SLC24A2: variants seen among roughly 807,000 people sequenced by gnomAD.
SLC24A2 encodes the protein sodium/potassium/calcium exchanger 2.
In SLC24A2, 36 loss-of-function variants were observed where a neutral mutation model predicts 62.0. The observed-to-expected ratio is 0.58, with a 90% CI of 0.44 to 0.77. The LOEUF (loss-of-function observed/expected upper bound fraction) is 0.77, where lower values mean the gene tolerates loss of function less well. SLC24A2 is among the 30% of genes least tolerant of loss of function. The pLI, the probability that SLC24A2 is intolerant of heterozygous loss-of-function variation, is 0.00. For synonymous variants in SLC24A2, 358 were observed against 294.0 expected (o/e 1.22, Z -2.23); for missense variants, 846 against 817.9 (o/e 1.03, Z -0.42).
chr9:20,012,829 G>A, the SLC24A2 span, among the ~76,000 whole-genome samples: 15 of 151,150 alleles, frequency 9.9e-5, no homozygotes, highest in African/African-American at 3.4e-4. Context: ...AAATACTTAG[G>A]TGTAAATTTA....
chr9:20,057,873 A>G, the SLC24A2 span, among the ~76,000 whole-genome samples: 1 of 152,308 alleles, frequency 6.6e-6, no homozygotes, highest in South Asian at 2.1e-4. Context: ...GTCAAGTTGT[A>G]AGTATCAGAA....
rs941997463 is a variant in SLC24A2, at chr9:19,604,081, G to A, written c.1079-6802C>T. ...ACCCAGCAGAGTAAAGGGGCACTCTGTATGCGTTCAACAAATGCTGCTAAG... is the reference window on the plus strand; with the variant it reads ...ACCCAGCAGAGTAAAGGGGCACTCTATATGCGTTCAACAAATGCTGCTAAG... On this transcript the variant is annotated intron_variant, in intron 4 of 10. Transcript: ENST00000341998. Among the ~76,000 whole-genome samples, 13 of 152,218 alleles carry A rather than the reference G, an allele frequency of 8.5e-5. No homozygotes were observed. In the South Asian group the frequency reaches 1.0e-3, roughly 12 times the overall value.
chr9:20,285,924 T>C, the SLC24A2 span, among the ~76,000 whole-genome samples: 4,039 of 152,220 alleles, frequency 0.027, 180 homozygotes, highest in African/African-American at 0.091. Context: ...AAACCAAACC[T>C]GCCAACACCT....
chr9:20,160,471 T>C, the SLC24A2 span, among the ~76,000 whole-genome samples: 1 of 151,418 alleles, frequency 6.6e-6, no homozygotes, highest in African/African-American at 2.4e-5. Context: ...TACACACTTA[T>C]AATAGAAAAT....
chr9:19,981,902 T>G, the SLC24A2 span, among the ~76,000 whole-genome samples: 1 of 152,108 alleles, frequency 6.6e-6, no homozygotes, highest in Admixed American at 6.6e-5. Flanking sequence ...GGAAGGAAAG[T>G]ATACTCTCCC....
chr9:19,668,552 T>C (rs7035054), intron 2 of SLC24A2, among the ~76,000 whole-genome samples: 32,592 of 152,160 alleles, frequency 0.21, 3,595 homozygotes, highest in Middle Eastern at 0.24. Context: ...CTGTTTGAAA[T>C]ACACATTTTT....
chr9:19,846,368 A>G, the SLC24A2 span, among the ~76,000 whole-genome samples: 2 of 152,086 alleles, frequency 1.3e-5, no homozygotes, highest in East Asian at 1.9e-4. Context: ...CTTTTTTACT[A>G]TTGCTGGTTT....
chr9:19,777,170 C>T (rs770274791), intron 2 of SLC24A2, among the ~76,000 whole-genome samples: 9 of 152,178 alleles, frequency 5.9e-5, no homozygotes, highest in Non-Finnish European at 1.0e-4. Context: ...TGTGAGTCAT[C>T]ACAGCTAGCT....
the SLC24A2 span, among the ~76,000 whole-genome samples, chr9:20,196,454 A>T: frequency 1.6e-4 from 24 of 152,348 alleles, no homozygotes; most frequent in East Asian, 4.2e-3. Context: ...TGATTTTTTT[A>T]AATGTGAATT....
chr9:19,755,337 A>C (rs566402640), intron 2 of SLC24A2, among the ~76,000 whole-genome samples: 1 of 152,210 alleles, frequency 6.6e-6, no homozygotes, highest in Non-Finnish European at 1.5e-5. Context: ...TATCCCATTG[A>C]TCAATTCTCT....
chr9:19,985,905 C>A, the SLC24A2 span, among the ~76,000 whole-genome samples: 6 of 151,972 alleles, frequency 3.9e-5, no homozygotes, highest in African/African-American at 1.4e-4. Flanking sequence ...ATGAGCAACA[C>A]AAGAAAAAAT....
chr9:19,549,306 T>C (rs542171913), intron 8 of SLC24A2, among the ~76,000 whole-genome samples: 1 of 152,304 alleles, frequency 6.6e-6, no homozygotes, highest in Admixed American at 6.5e-5. Flanking sequence ...TTGCAAATTC[T>C]TTGACACTCT....
chr9:19,766,792 A>T (rs556697399), intron 2 of SLC24A2, among the ~76,000 whole-genome samples: 1 of 152,336 alleles, frequency 6.6e-6, no homozygotes, highest in African/African-American at 2.4e-5. Context: ...TTGAGGAGGC[A>T]GTCTGTCCCT....
intron 2 of SLC24A2, among the ~76,000 whole-genome samples, chr9:19,650,653 A>G (rs1163207197): frequency 6.6e-6 from 1 of 152,150 alleles, no homozygotes; most frequent in Non-Finnish European, 1.5e-5. Flanking sequence ...TAAAACAGCA[A>G]TGTTCTGGAG....
At chr9:19,531,576 A>C (rs1471345715) in intron 8 of SLC24A2, among the ~76,000 whole-genome samples, 1 of 152,188 alleles carries the variant, frequency 6.6e-6, no homozygotes, top group Admixed American at 6.5e-5. Flanking sequence ...GCTTGGAAAA[A>C]GATGCTGGAC....
chr9:20,267,455 C>T, the SLC24A2 span, among the ~76,000 whole-genome samples: 1 of 152,122 alleles, frequency 6.6e-6, no homozygotes, highest in Non-Finnish European at 1.5e-5. Context: ...CCGAGTGCCG[C>T]CACCACCCCA....
chr9:19,738,334 T>C (rs1342737839), intron 2 of SLC24A2, among the ~76,000 whole-genome samples: 1 of 152,126 alleles, frequency 6.6e-6, no homozygotes, highest in Non-Finnish European at 1.5e-5. Context: ...TATGGAGAAA[T>C]GTTTTTCTGG....
At chr9:19,756,405 A>C (rs1334886807) in intron 2 of SLC24A2, among the ~76,000 whole-genome samples, 1 of 152,222 alleles carries the variant, frequency 6.6e-6, no homozygotes, top group African/African-American at 2.4e-5. Context: ...GATTCTTTGC[A>C]AATATTCAAA....
At chr9:20,199,865 C>A in the SLC24A2 span, among the ~76,000 whole-genome samples, 2 of 151,200 alleles carry the variant, frequency 1.3e-5, no homozygotes, top group African/African-American at 2.4e-5. Context: ...ATTACAGGCA[C>A]CCACCATTAT....
Sources: gnomAD v4.1 joint callset for allele counts (sites outside exome capture counted in the v4.1 genomes callset) on GRCh38, gnomAD v4.1.1 for gene constraint, MANE v1.5 for transcripts, NCBI Gene and HGNC (gene_info 2026-07-23, HGNC 2026-07-21) for gene names.